Variants in CDH12 observed in about 807,000 individuals in gnomAD.
The protein encoded by CDH12 is cadherin 12, also known as cadherin-12.
In CDH12, 41 loss-of-function variants were observed where a neutral mutation model predicts 74.1. The observed-to-expected ratio is 0.55, with a 90% CI of 0.43 to 0.72. The LOEUF (loss-of-function observed/expected upper bound fraction) is 0.72, where lower values mean the gene tolerates loss of function less well. CDH12 is among the 30% of genes least tolerant of loss of function. The probability of loss-of-function intolerance (pLI) is 0.00; values close to 1 mark genes in which losing one functional copy is unlikely to be tolerated. For synonymous variants in CDH12, 399 were observed against 355.0 expected (o/e 1.12, Z -1.39); for missense variants, 945 against 977.2 (o/e 0.97, Z 0.44).
intron 3 of CDH12, among the ~76,000 whole-genome samples, chr5:22,329,952 C>T (rs1408788190): frequency 6.6e-6 from 1 of 152,220 alleles, no homozygotes; most frequent in Non-Finnish European, 1.5e-5. Flanking sequence ...TCCTAGGCAA[C>T]TCCAAGTGCT....
In CDH12 at chr5:22,247,308, C is replaced by T. The variant is rs866035824; in HGVS notation, c.-332-34665G>A. Among the ~76,000 whole-genome samples, 40 of 4,342 alleles carry T rather than the reference C, an allele frequency of 9.2e-3. No homozygotes were observed. The South Asian group carries it at 0.38, about 41-fold the overall frequency. The allele number at this position is 4,342 out of a possible 152,430, so 2.8% of individuals were successfully genotyped here. A position where few individuals can be genotyped will look rare whatever the true frequency, so the allele number is the denominator to read the frequency against. On this transcript the variant is annotated intron_variant, in intron 3 of 14. Coordinates refer to ENST00000382254, the MANE Select transcript of CDH12 (RefSeq NM_004061.5). ...CATTAATTCAGCGTTGCTCCAACGTCAATGAAGCCTAGTAAAGCTTCATCA... is the reference window on the plus strand; with the variant it reads ...CATTAATTCAGCGTTGCTCCAACGTTAATGAAGCCTAGTAAAGCTTCATCA...
intron 1 of CDH12, among the ~76,000 whole-genome samples, chr5:22,623,820 A>G (rs1738118129): frequency 6.6e-6 from 1 of 152,212 alleles, no homozygotes; most frequent in Non-Finnish European, 1.5e-5. Context: ...ACTACTTTAA[A>G]GTTCATATGG....
intron 1 of CDH12, among the ~76,000 whole-genome samples, chr5:22,648,212 T>C (rs1427771561): frequency 1.3e-5 from 2 of 151,844 alleles, no homozygotes; most frequent in Non-Finnish European, 2.9e-5. Flanking sequence ...ACACATCTAA[T>C]TTGAATATTT....
chr5:22,450,127 T>C (rs975218506), intron 2 of CDH12, among the ~76,000 whole-genome samples: 1 of 152,020 alleles, frequency 6.6e-6, no homozygotes, highest in South Asian at 2.1e-4. Context: ...ATCTCTTCTC[T>C]TGAAAACTGC....
intron 1 of CDH12, among the ~76,000 whole-genome samples, chr5:22,826,758 A>G (rs1300371957): frequency 3.3e-5 from 5 of 152,170 alleles, no homozygotes; most frequent in African/African-American, 4.8e-5. Context: ...TGAGATTGAG[A>G]AAGATGATTT....
intron 1 of CDH12, among the ~76,000 whole-genome samples, chr5:22,837,782 AGCTGTTGAGTCATAAT>A (rs1736898708): frequency 6.6e-6 from 1 of 152,216 alleles, no homozygotes; most frequent in South Asian, 2.1e-4. Flanking sequence ...AACTATACTT[AGCTGTTGAGTCATAAT>A]ATGATCATGG....
chr5:22,632,555 A>G (rs1415777196), intron 1 of CDH12, among the ~76,000 whole-genome samples: 1 of 152,178 alleles, frequency 6.6e-6, no homozygotes, highest in Non-Finnish European at 1.5e-5. Flanking sequence ...GATGTTCAAA[A>G]GTTATTTGGA....
chr5:22,404,450 G>A (rs904076522), intron 3 of CDH12, among the ~76,000 whole-genome samples: 3 of 151,824 alleles, frequency 2.0e-5, no homozygotes, highest in Non-Finnish European at 4.4e-5. Flanking sequence ...TTCTCATCAA[G>A]AAGCCTGCCC....
intron 1 of CDH12, among the ~76,000 whole-genome samples, chr5:22,629,106 A>C (rs1738447824): frequency 6.6e-6 from 1 of 152,068 alleles, no homozygotes; most frequent in Admixed American, 6.6e-5. Context: ...AATCAGTAAT[A>C]AAAAGGCTGC....
At chr5:21,996,984 A>T (rs1192509682) in intron 5 of CDH12, among the ~76,000 whole-genome samples, 1 of 152,094 alleles carries the variant, frequency 6.6e-6, no homozygotes, top group Non-Finnish European at 1.5e-5. Flanking sequence ...ATCAAAAGAA[A>T]TGGGATTATT....
intron 3 of CDH12, among the ~76,000 whole-genome samples, chr5:22,218,382 T>G (rs951436782): frequency 1.3e-5 from 2 of 151,754 alleles, no homozygotes; most frequent in Non-Finnish European, 3.0e-5. Flanking sequence ...ACTCATAGAA[T>G]GGAATACTTC....
chr5:22,392,867 A>C (rs1238465687), intron 3 of CDH12, among the ~76,000 whole-genome samples: 1 of 152,108 alleles, frequency 6.6e-6, no homozygotes, highest in African/African-American at 2.4e-5. Flanking sequence ...ACACTGTTCT[A>C]CAGTTTACAA....
At chr5:22,419,649 G>T (rs559341501) in intron 2 of CDH12, among the ~76,000 whole-genome samples, 1 of 152,196 alleles carries the variant, frequency 6.6e-6, no homozygotes, top group African/African-American at 2.4e-5. Flanking sequence ...GATTTATATT[G>T]CTTTGGGTAT....
At chr5:22,210,069 T>A (rs1372581199) in intron 4 of CDH12, among the ~76,000 whole-genome samples, 1 of 142,244 alleles carries the variant, frequency 7.0e-6, no homozygotes, top group Non-Finnish European at 1.5e-5. Context: ...CATTTATTCA[T>A]ATATAAAAAG....
At chr5:22,834,039 T>A (rs1205982495) in intron 1 of CDH12, among the ~76,000 whole-genome samples, 1 of 152,190 alleles carries the variant, frequency 6.6e-6, no homozygotes, top group Non-Finnish European at 1.5e-5. Flanking sequence ...GACTATCAGA[T>A]GTTTTAGTGA....
chr5:21,807,725 C>A (rs1026640857), intron 9 of CDH12, among the ~76,000 whole-genome samples: 3 of 152,028 alleles, frequency 2.0e-5, no homozygotes, highest in Admixed American at 2.0e-4. Flanking sequence ...AAGATGCTCC[C>A]AATATTCCTG....
intron 3 of CDH12, among the ~76,000 whole-genome samples, chr5:22,390,579 T>TAGAC (rs752684071): frequency 2.6e-5 from 1 of 38,904 alleles, no homozygotes; most frequent in Admixed American, 2.5e-4. Flanking sequence ...GATGGAGAGA[T>TAGAC]AGATAGATAG....
intron 1 of CDH12, among the ~76,000 whole-genome samples, chr5:22,682,178 A>G (rs1184798047): frequency 1.3e-5 from 2 of 152,070 alleles, no homozygotes; most frequent in African/African-American, 2.4e-5. Context: ...CAATAGGAGA[A>G]CTTAGTTCAG....
intron 4 of CDH12, among the ~76,000 whole-genome samples, chr5:22,196,401 C>G (rs1478980989): frequency 2.0e-5 from 3 of 152,020 alleles, no homozygotes; most frequent in African/African-American, 7.2e-5. Flanking sequence ...CCTCGGCCTC[C>G]CAAAGTGCTG....
Sources: gnomAD v4.1 joint callset for allele counts (sites outside exome capture counted in the v4.1 genomes callset) on GRCh38, gnomAD v4.1.1 for gene constraint, MANE v1.5 for transcripts, NCBI Gene and HGNC (gene_info 2026-07-23, HGNC 2026-07-21) for gene names.